Variants in ST3GAL1 observed in about 807,000 individuals in gnomAD.
ST3GAL1 encodes CMP-N-acetylneuraminate-beta-galactosamide-alpha-2,3-sialyltransferase 1.
A neutral mutation model predicts 34.1 loss-of-function variants in ST3GAL1; 16 were observed. The ratio of observed to expected loss-of-function variants is 0.47; its 90% confidence interval spans 0.32 to 0.71. ST3GAL1 has a LOEUF of 0.71. Among genes scored for constraint, ST3GAL1 ranks in the 30% least tolerant of loss-of-function variants. The pLI is 0.04. For missense variants in ST3GAL1, 353 were observed against 447.4 expected, an observed-to-expected ratio of 0.79 and a Z score of 1.90; for synonymous variants, 191 against 184.7, an observed-to-expected ratio of 1.03 and a Z score of -0.28.
intron 2 of ST3GAL1, among the ~76,000 whole-genome samples, chr8:133,515,027 G>T (rs1457285625): frequency 1.3e-5 from 2 of 152,106 alleles, no homozygotes; most frequent in African/African-American, 4.8e-5. Flanking sequence ...CAGATGACCT[G>T]CCCCTCCCTT....
intron 2 of ST3GAL1, among the ~76,000 whole-genome samples, chr8:133,500,281 C>A (rs1304379895): frequency 6.6e-6 from 1 of 152,158 alleles, no homozygotes; most frequent in Non-Finnish European, 1.5e-5. Context: ...ATGGATGAGT[C>A]TGAGGCCCTC....
intron 1 of ST3GAL1, among the ~76,000 whole-genome samples, chr8:133,546,884 T>TA (rs1818687538): frequency 6.6e-6 from 1 of 151,874 alleles, no homozygotes; most frequent in Admixed American, 6.6e-5. Context: ...CGCATGCCTA[T>TA]AGTCCCAGAG....
chr8:133,464,980 T>C, intron 6 of ST3GAL1, 23 bp from the exon 7 acceptor site: 2 of 1,603,712 alleles, frequency 1.2e-6, no homozygotes, highest in Non-Finnish European at 1.7e-6. Flanking sequence ...GGGAGAAAGC[T>C]GAGTCTTGTA....
At chr8:133,529,389 C>T (rs1383699298) in intron 2 of ST3GAL1, among the ~76,000 whole-genome samples, 1 of 152,168 alleles carries the variant, frequency 6.6e-6, no homozygotes. Context: ...AGCAAATGTA[C>T]AAGGTCGTAA....
intron 2 of ST3GAL1, among the ~76,000 whole-genome samples, chr8:133,532,384 T>C (rs1309369796): frequency 2.0e-5 from 3 of 151,894 alleles, no homozygotes; most frequent in Non-Finnish European, 2.9e-5. Flanking sequence ...CGCTTGTATC[T>C]GGGAGGCGGA....
rs537730876 is a variant in ST3GAL1, at chr8:133,499,440, C to T, written c.-428-251G>A. 5 of 152,246 alleles carry T rather than the reference C, an allele frequency of 3.3e-5. No individual in the cohort carries two copies. In the South Asian group the frequency reaches 6.2e-4, roughly 19 times the overall value. The allele number at this position is 152,246 out of a possible 1,614,324, so 9.4% of individuals were successfully genotyped here. A position where few individuals can be genotyped will look rare whatever the true frequency, so the allele number is the denominator to read the frequency against. Reference sequence around the variant, plus strand: ...AAACTGCAAACAGAAAGCTCTGAACCGCATGATCTCTAAGACCACTTCCTG... The same window carrying T: ...AAACTGCAAACAGAAAGCTCTGAACTGCATGATCTCTAAGACCACTTCCTG... On this transcript the variant is annotated intron_variant, in intron 2 of 9. Coordinates refer to ENST00000522652, the MANE Select transcript of ST3GAL1 (RefSeq NM_173344.3).
rs1244281407 is a variant in ST3GAL1 at position 133,469,828 on chromosome 8, T to C, written c.307-3738A>G. 6.6e-6 allele frequency among the ~76,000 whole-genome samples: 1 copy of C among 152,204 alleles called. No individual in the cohort carries two copies. The highest frequency in any genetic ancestry group is 1.5e-5 in the Non-Finnish European group (1 of 68,032). Reference sequence around the variant, plus strand: ...GGCTCTGTGATGCGACTTTCTCTAGTGCCCTGCCTCACCTAACATCACAAG... The same window carrying C: ...GGCTCTGTGATGCGACTTTCTCTAGCGCCCTGCCTCACCTAACATCACAAG... On this transcript the variant is annotated intron_variant, in intron 5 of 9. Transcript: ENST00000522652. This position sits in a 1 kb window ranked among gnomAD's most constrained non-coding sequence, Gnocchi z 4.3.
intron 1 of ST3GAL1, among the ~76,000 whole-genome samples, chr8:133,548,804 G>A (rs997558689): frequency 6.6e-6 from 1 of 152,158 alleles, no homozygotes; most frequent in African/African-American, 2.4e-5. Context: ...TCAGAGGTGA[G>A]GAAGGGAGCT....
Position 133,491,307 on chromosome 8 carries a change from T to A in ST3GAL1, c.-374+7828A>T, listed in dbSNP as rs150393195. On this transcript the variant is annotated intron_variant, in intron 3 of 9. Transcript: ENST00000522652. ...CAAATGACATTAGAAGCGTGTAACG[T>A]GGCTGGGAATTCCAGGGGTTGCACT... Among the ~76,000 whole-genome samples, 104 of 152,206 alleles carry A rather than the reference T, an allele frequency of 6.8e-4. 1 individual carries two copies. The highest frequency in any genetic ancestry group is 8.2e-4 in the Non-Finnish European group (56 of 67,992).
At chr8:133,554,772 G>GGTGGA (rs1818959997) in intron 1 of ST3GAL1, among the ~76,000 whole-genome samples, 1 of 150,196 alleles carries the variant, frequency 6.7e-6, no homozygotes, top group Non-Finnish European at 1.5e-5. Context: ...CTGTCGCCAG[G>GGTGGA]GTGGAGTGCA....
chr8:133,505,948 A>C (rs1410741074), intron 2 of ST3GAL1, among the ~76,000 whole-genome samples: 2 of 152,324 alleles, frequency 1.3e-5, no homozygotes, highest in South Asian at 4.1e-4. Flanking sequence ...ACAAGTCCTC[A>C]GTTGCACTCA....
At chr8:133,462,255 T>C (rs1222452954) in intron 8 of ST3GAL1, among the ~76,000 whole-genome samples, 1 of 152,132 alleles carries the variant, frequency 6.6e-6, no homozygotes, top group East Asian at 1.9e-4. Flanking sequence ...GGAGGATCAC[T>C]GAGCTGACAC....
rs1003648343 is a variant in ST3GAL1 at position 133,534,722 on chromosome 8, G to T, written c.-429+11052C>A. Among the ~76,000 whole-genome samples, 3 of 152,234 alleles carry T rather than the reference G, an allele frequency of 2.0e-5. No individual in the cohort carries two copies. In the East Asian group the frequency reaches 5.8e-4, roughly 29 times the overall value. On this transcript the variant is annotated intron_variant, in intron 2 of 9. Transcript: ENST00000522652. ...AGAATTAATCCCCAAGGGGGCCCAG[G>T]CATGTGTCCAGGCCAGTAGCAAGGC...
intron 5 of ST3GAL1, among the ~76,000 whole-genome samples, chr8:133,474,311 C>A (rs1174780440): frequency 6.6e-6 from 1 of 152,128 alleles, no homozygotes; most frequent in East Asian, 1.9e-4. Context: ...TCTGTTTTCC[C>A]TTCTCTCCCC....
intron 3 of ST3GAL1, among the ~76,000 whole-genome samples, chr8:133,495,775 G>A (rs1374234172): frequency 2.0e-5 from 3 of 152,212 alleles, no homozygotes; most frequent in Non-Finnish European, 4.4e-5. Context: ...CTATATGGGC[G>A]TTCTGCCTGC....
intron 2 of ST3GAL1, among the ~76,000 whole-genome samples, chr8:133,521,716 T>C (rs1211412303): frequency 6.6e-6 from 1 of 152,242 alleles, no homozygotes; most frequent in Non-Finnish European, 1.5e-5. Flanking sequence ...AAGTTTTCAA[T>C]CATTAATAAT....
Position 133,558,634 on chromosome 8 carries a change from A to T in ST3GAL1, c.-581-12708T>A, listed in dbSNP as rs1460091107. On this transcript the variant is annotated intron_variant, in intron 1 of 9. Transcript: ENST00000522652. ...CCGCAAGTAATGGTGACTAAAGTTT[A>T]TGACACCATGGCTCAGAGAAAAAGA... 2.0e-5 allele frequency among the ~76,000 whole-genome samples: 3 copies of T among 152,186 alleles called. No individual in the cohort carries two copies. The South Asian group carries it at 6.2e-4, about 31-fold the overall frequency.
chr8:133,476,976 T>C (rs1816204660), intron 3 of ST3GAL1, among the ~76,000 whole-genome samples: 1 of 152,250 alleles, frequency 6.6e-6, no homozygotes, highest in Non-Finnish European at 1.5e-5. Context: ...TTCCAGATTT[T>C]GGATTTCAGC....
chr8:133,517,497 G>A (rs867173011), intron 2 of ST3GAL1, among the ~76,000 whole-genome samples: 4 of 152,126 alleles, frequency 2.6e-5, no homozygotes, highest in African/African-American at 4.8e-5. Context: ...CTACAGGCGC[G>A]TGCCAACCCA....
Sources: allele counts gnomAD v4.1 joint callset (sites outside exome capture counted in the v4.1 genomes callset), GRCh38; gene constraint gnomAD v4.1.1; non-coding constraint Gnocchi (gnomAD v3.1); transcripts MANE v1.5; gene names NCBI Gene and HGNC (gene_info 2026-07-23, HGNC 2026-07-21).